The following CNTNAP1 variants were observed in gnomAD, a reference collection of about 807,000 sequenced individuals.
The protein encoded by CNTNAP1 is contactin-associated protein 1.
In CNTNAP1, 80 loss-of-function variants were observed where a neutral mutation model predicts 161.5. The ratio of observed to expected loss-of-function variants is 0.50; its 90% confidence interval spans 0.41 to 0.60. The LOEUF is 0.60. CNTNAP1 is among the 20% of genes least tolerant of loss of function. The pLI is 0.00. For synonymous variants in CNTNAP1, 695 were observed against 733.1 expected (o/e 0.95, Z 0.84); for missense variants, 1,464 against 1,854.8 (o/e 0.79, Z 3.87).
In CNTNAP1 at chr17:42,690,076, A is replaced by G. The variant is rs1273750825; in HGVS notation, c.1736-12A>G. The G allele has an allele frequency of 6.8e-6, 11 of 1,613,134 alleles. No individual in the cohort carries two copies. The East Asian group carries it at 2.5e-4, about 36-fold the overall frequency. On this transcript the variant is annotated splice_polypyrimidine_tract_variant and intron_variant, in intron 11 of 23. Transcript: ENST00000264638. ...TCTCTAACTGCCTTTGTCTCAACCT[A>G]TTATCTGCCAGCTTTGTATAAGGAA...
Position 42,688,869 on chromosome 17 carries a change from G to T in CNTNAP1, c.1457-7G>T. On this transcript the variant is annotated splice_polypyrimidine_tract_variant and splice_region_variant and intron_variant, in intron 9 of 23. Transcript: ENST00000264638. ...TGGGGAGGATCTCACAGGGGTGGTT[G>T]CTCCAGGTTGTCCCAAGCCAGCCAG... 6.2e-7 allele frequency: 1 copy of T among 1,613,776 alleles called. No homozygotes were observed. The highest frequency in any genetic ancestry group is 8.5e-7 in the Non-Finnish European group (1 of 1,179,912).
chr17:42,686,762 A>G, intron 6 of CNTNAP1, 141 bp from the exon 7 acceptor site: 1 of 1,001,700 alleles, frequency 1.0e-6, no homozygotes, highest in Non-Finnish European at 1.4e-6. Flanking sequence ...AGCGAGCTTT[A>G]GTACCGACAC....
chr17:42,687,919 G>C lies in CNTNAP1; in HGVS notation c.1244G>C (p.Ser415Thr). The part of the protein sequence containing the change: ...DGLGHVELTL[S>T]EGQVNVSIAQ... ...CTGGGCCACGTGGAGCTGACGCTCA[G>C]CGAAGGGCAGGTCAACGTGTCCATC... The change falls in exon 8 of 24, where the codon AGC (serine) becomes ACC (threonine). Residue 415 changes from serine (S) to threonine (T), a missense_variant. This residue lies in a region of CNTNAP1 where 1,383 missense variants were observed against 1,765.0 expected (regional missense o/e 0.78). Coordinates refer to ENST00000264638, the MANE Select transcript of CNTNAP1 (RefSeq NM_003632.3). The surrounding 1 kb of genome is among the most constrained non-coding windows in gnomAD (Gnocchi z 4.7). 6.2e-7 allele frequency: 1 copy of C among 1,614,228 alleles called. No individual in the cohort carries two copies. Among genetic ancestry groups the C allele is most frequent in the Non-Finnish European group, 8.5e-7 (1 of 1,180,050 alleles).
chr17:42,696,839 C>T (rs979567566), intron 20 of CNTNAP1, among the ~76,000 whole-genome samples: 1 of 151,842 alleles, frequency 6.6e-6, no homozygotes. Flanking sequence ...AAAGTCAAAC[C>T]GCTGGTAAGC....
In CNTNAP1 at chr17:42,690,211, A is replaced by G; in HGVS notation, c.1855+4A>G. Reference sequence around the variant, plus strand: ...GTAGTGTACTGTGATATCCGAGGTAAGTGTCTCTGTTGGGTGGTGAGGGGG... The same window carrying G: ...GTAGTGTACTGTGATATCCGAGGTAGGTGTCTCTGTTGGGTGGTGAGGGGG... On this transcript the variant is annotated splice_donor_region_variant and intron_variant, in intron 12 of 23. Coordinates refer to ENST00000264638, the MANE Select transcript of CNTNAP1 (RefSeq NM_003632.3). 6.2e-7 allele frequency: 1 copy of G among 1,613,654 alleles called. No individual in the cohort carries two copies. The highest frequency in any genetic ancestry group is 1.1e-5 in the South Asian group (1 of 91,080).
At position 42,693,051 on chromosome 17, in the gene CNTNAP1, G is replaced by GGTTCAAGCAGTTCTCCTGC. The variant is rs1009243914; in HGVS notation, c.2753-245_2753-227dup. On this transcript the variant is annotated intron_variant, in intron 17 of 23. Transcript: ENST00000264638. Reference sequence around the variant, plus strand: ...GGCCCACTGCAAGCTCCGCCTCCTGGGTTCAAGCAGTTCTCCTGCCTCAGC... The same window carrying GGTTCAAGCAGTTCTCCTGC: ...GGCCCACTGCAAGCTCCGCCTCCTGGGTTCAAGCAGTTCTCCTGCGTTCAAGCAGTTCTCCTGCCTCAGC... Among the ~76,000 whole-genome samples the GGTTCAAGCAGTTCTCCTGC allele has an allele frequency of 7.9e-5, 12 of 151,974 alleles. No homozygotes were observed. In the South Asian group the frequency reaches 1.2e-3, roughly 16 times the overall value.
At chr17:42,686,475 T>TTTTTTTG (rs1555642230) in intron 6 of CNTNAP1, among the ~76,000 whole-genome samples, 11 of 109,874 alleles carry the variant, frequency 1.0e-4, no homozygotes, top group African/African-American at 1.5e-4. Flanking sequence ...GCCTGTTTTT[T>TTTTTTTG]TTTTTTTTTT....
chr17:42,695,456 CAT>C, intron 18 of CNTNAP1, 63 bp from the exon 19 acceptor site: 1 of 1,285,872 alleles, frequency 7.8e-7, no homozygotes, highest in Non-Finnish European at 1.1e-6. Context: ...GTATGGATGA[CAT>C]AAAACCTCTG....
intron 1 of CNTNAP1, chr17:42,683,140 T>G: frequency 1.7e-6 from 1 of 596,616 alleles, no homozygotes; most frequent in South Asian, 2.0e-5. Flanking sequence ...GATTTGGGGT[T>G]GGGATCCAAG....
rs1567975720 is a variant in CNTNAP1 at position 42,695,769 on chromosome 17, G to A, written c.3241G>A (p.Gly1081Arg). 6.2e-7 allele frequency: 1 copy of A among 1,614,206 alleles called. No homozygotes were observed. The highest frequency in any genetic ancestry group is 8.5e-7 in the Non-Finnish European group (1 of 1,180,034). ...CCGTGGGCCTGTCTACAACGTTACG[G>A]GAGAGGAGGTCTCCTTCAGCTTCAG... ...GYRGPVYNVT[G>R]EEVSFSFSTS... is the part of the protein sequence containing the mutation. Residue 1081 changes from glycine (G) to arginine (R), a missense_variant, in exon 19 of 24, where the codon GGA (glycine) becomes AGA (arginine). Gly to Arg is a moderately radical substitution (Grantham distance 125). Coordinates refer to ENST00000264638, the MANE Select transcript of CNTNAP1 (RefSeq NM_003632.3).
chr17:42,689,722 C>A, intron 11 of CNTNAP1, 95 bp downstream of exon 11: 1 of 993,028 alleles, frequency 1.0e-6, no homozygotes, highest in Non-Finnish European at 1.6e-6. Context: ...CGAGGATGGC[C>A]CTTCCAGCCC....
rs776422282 is a variant in CNTNAP1, at chr17:42,695,777, G to A, written c.3249G>A (p.Glu1083=). Residue 1083 remains glutamate (E), a synonymous_variant, in exon 19 of 24, where the codon GAG becomes GAA. Coordinates refer to ENST00000264638, the MANE Select transcript of CNTNAP1 (RefSeq NM_003632.3). ...CTGTCTACAACGTTACGGGAGAGGA[G>A]GTCTCCTTCAGCTTCAGCACCAGCT... ...RGPVYNVTGE[E]VSFSFSTSSA... is the part of the protein sequence containing the mutation. The A allele has an allele frequency of 1.2e-6, 2 of 1,614,210 alleles. No homozygotes were observed. Among genetic ancestry groups the A allele is most frequent in the Non-Finnish European group, 1.7e-6 (2 of 1,180,044 alleles).
chr17:42,683,109 A>G, intron 1 of CNTNAP1: 1 of 614,250 alleles, frequency 1.6e-6, no homozygotes, highest in Non-Finnish European at 2.8e-6. Context: ...CTCTGGGAAG[A>G]GGATGAAGTC....
At chr17:42,693,220 A>G (rs1185171640) in intron 17 of CNTNAP1, 77 bp from the exon 18 acceptor site, 35 of 1,558,640 alleles carry the variant, frequency 2.2e-5, no homozygotes, top group Non-Finnish European at 3.1e-5. Context: ...CGGCCTCCCA[A>G]AGTGCTGGGA....
At chr17:42,688,041 G>GT (rs1306614389) in intron 8 of CNTNAP1, 60 bp downstream of exon 8, 2 of 1,574,882 alleles carry the variant, frequency 1.3e-6, no homozygotes, top group African/African-American at 2.7e-5. Flanking sequence ...TCCCAGGAAA[G>GT]TTGTAGGCCT....
In CNTNAP1 at chr17:42,686,964, G is replaced by C. The variant is rs780146066; in HGVS notation, c.962G>C (p.Arg321Pro). The C allele has an allele frequency of 6.2e-7, 1 of 1,613,834 alleles. No individual in the cohort carries two copies. Among genetic ancestry groups the C allele is most frequent in the African/African-American group, 1.3e-5 (1 of 74,948 alleles). The change falls in exon 7 of 24, where the codon CGC becomes CCC. Residue 321 changes from arginine to proline, a missense_variant. Physicochemically the swap from Arg to Pro is moderately radical, Grantham distance 103 (BLOSUM62 -2). This residue lies in a region of CNTNAP1 where 1,383 missense variants were observed against 1,765.0 expected (regional missense o/e 0.78). Transcript: ENST00000264638. ...AACCTGGCCTATCGGCATAACTTCC[G>C]CGGCTGCATAGAAAACGTAATCTTC... Reference protein sequence around the residue: ...RKNLAYRHNFRGCIENVIFNR... With the variant: ...RKNLAYRHNFPGCIENVIFNR...
intron 12 of CNTNAP1, 83 bp from the exon 13 acceptor site, chr17:42,690,656 C>T (rs924198305): frequency 1.3e-5 from 18 of 1,402,090 alleles, no homozygotes; most frequent in Admixed American, 1.7e-5. Flanking sequence ...CTCTGAGTTG[C>T]AGCAGCGGTG....
At position 42,689,037 on chromosome 17, in the gene CNTNAP1, A is replaced by G; in HGVS notation, c.1618A>G (p.Ile540Val). 2 of 1,583,646 alleles carry G rather than the reference A, an allele frequency of 1.3e-6. No homozygotes were observed. Among genetic ancestry groups the G allele is most frequent in the South Asian group, 1.2e-5 (1 of 86,044 alleles). ...YAEVLFDTCG[I>V]TDRCSPNMCE... ...TGAGGTCCTCTTTGATACATGTGGC[A>G]TCACTGATAGGTACCCAGAAGCCCC... Residue 540 changes from isoleucine (I) to valine (V), a missense_variant, in exon 10 of 24, where the codon ATC becomes GTC. Ile to Val is a conservative substitution (Grantham distance 29). This residue lies in a region of CNTNAP1 where 1,383 missense variants were observed against 1,765.0 expected (regional missense o/e 0.78). Coordinates refer to ENST00000264638, the MANE Select transcript of CNTNAP1 (RefSeq NM_003632.3).
rs1192023653 is a variant in CNTNAP1, at chr17:42,698,817, C to T, written c.4062C>T (p.Ala1354=). The change falls in exon 24 of 24, where the codon GCC becomes GCT. Residue 1354 remains alanine, a synonymous_variant. Transcript: ENST00000264638. ...CAGCAGCTCCCAACCAAGCTCCAGCCTCAGCCCCAGCCCCAGCCCCAACTC... is the reference window on the plus strand; with the variant it reads ...CAGCAGCTCCCAACCAAGCTCCAGCTTCAGCCCCAGCCCCAGCCCCAACTC... ...TPTAAPNQAP[A]SAPAPAPTPA... is the part of the protein sequence containing the mutation. The T allele has an allele frequency of 6.2e-7, 1 of 1,607,054 alleles. No individual in the cohort carries two copies.
Sources: gnomAD v4.1 joint callset for allele counts (sites outside exome capture counted in the v4.1 genomes callset) on GRCh38, gnomAD v4.1.1 for gene constraint, gnomAD v4.1.1 regional missense constraint, Gnocchi (gnomAD v3.1) non-coding constraint, MANE v1.5 for transcripts, NCBI Gene and HGNC (gene_info 2026-07-23, HGNC 2026-07-21) for gene names.